Variants in TTC39B observed in about 807,000 individuals in gnomAD.
The protein encoded by TTC39B is tetratricopeptide repeat domain 39B.
In TTC39B, 92 loss-of-function variants were observed where a neutral mutation model predicts 96.6. That is an observed-to-expected ratio of 0.95 (90% confidence interval 0.80 to 1.13). The LOEUF (loss-of-function observed/expected upper bound fraction) is 1.13, where lower values mean the gene tolerates loss of function less well. Among genes scored for constraint, TTC39B ranks in the 50% most tolerant of loss-of-function variants. TTC39B has a pLI of 0.00. For missense variants in TTC39B, 955 were observed against 809.3 expected (o/e 1.18, Z -2.18); for synonymous variants, 367 against 299.4 (o/e 1.23, Z -2.33).
chr9:15,210,297 C>G (rs1372870175), intron 5 of TTC39B, 133 bp from the exon 6 acceptor site: 2 of 610,084 alleles, frequency 3.3e-6, no homozygotes, highest in Non-Finnish European at 5.8e-6. Flanking sequence ...ACCCTGAAGT[C>G]TATAGGACAC....
intron 2 of TTC39B, among the ~76,000 whole-genome samples, chr9:15,258,290 G>C (rs936802024): frequency 6.6e-6 from 1 of 152,062 alleles, no homozygotes; most frequent in African/African-American, 2.4e-5. Context: ...CATCAGACTT[G>C]GTAATGTGGA....
chr9:15,285,501 G>A (rs530794364), intron 1 of TTC39B, among the ~76,000 whole-genome samples: 1 of 152,296 alleles, frequency 6.6e-6, no homozygotes, highest in East Asian at 1.9e-4. Flanking sequence ...AATATCACAT[G>A]TACCGTATAA....
intron 1 of TTC39B, among the ~76,000 whole-genome samples, chr9:15,290,782 TC>T (rs1194695621): frequency 6.6e-6 from 1 of 152,166 alleles, no homozygotes; most frequent in Non-Finnish European, 1.5e-5. Flanking sequence ...TTTCCTGCTT[TC>T]CCCTTCTGCC....
intron 1 of TTC39B, among the ~76,000 whole-genome samples, chr9:15,288,011 T>C (rs1824042253): frequency 6.6e-6 from 1 of 151,100 alleles, no homozygotes; most frequent in Non-Finnish European, 1.5e-5. Flanking sequence ...CTTTCCTTTG[T>C]AAATTTCAAA....
intron 2 of TTC39B, among the ~76,000 whole-genome samples, chr9:15,267,514 G>C (rs1044590320): frequency 6.6e-6 from 1 of 152,090 alleles, no homozygotes; most frequent in African/African-American, 2.4e-5. Flanking sequence ...TATTCCATTT[G>C]ATCTAATATG....
Position 15,267,790 on chromosome 9 carries a change from CT to C in TTC39B, c.275+123del, listed in dbSNP as rs200816790. 4.8e-3 allele frequency: 3,604 copies of C among 749,512 alleles called. 113 individuals carry two copies. The African/African-American group carries it at 0.053, about 11-fold the overall frequency. The allele number at this position is 749,512 out of a possible 1,614,324, so 46.4% of individuals were successfully genotyped here. A position where few individuals can be genotyped will look rare whatever the true frequency, so the allele number is the denominator to read the frequency against. ...ATCCTCTTTAATTATAGAAAAGTGA[CT>C]TTTTTTTTCTGAAAATAGCCATTGC... is the stretch of plus-strand genomic sequence containing the variant. On this transcript the variant is annotated intron_variant, in intron 2 of 19. Transcript: ENST00000512701.
At chr9:15,277,657 A>C (rs1446188440) in intron 1 of TTC39B, among the ~76,000 whole-genome samples, 1 of 152,190 alleles carries the variant, frequency 6.6e-6, no homozygotes, top group Non-Finnish European at 1.5e-5. Flanking sequence ...CCTCCTCATG[A>C]GTAAAGCAGA....
At position 15,174,747 on chromosome 9, in the gene TTC39B, C is replaced by T. The variant is rs181559862; in HGVS notation, c.1958+272G>A. The stretch of plus-strand genomic sequence containing the variant: ...CATTTACACAAAAAGCTGGCCAACC[C>T]CTGATATAGAATAAAATAAGTTAGA... On this transcript the variant is annotated intron_variant, in intron 19 of 19. Transcript: ENST00000512701. 3.3e-3 allele frequency among the ~76,000 whole-genome samples: 497 copies of T among 152,134 alleles called. 3 individuals are homozygous for T. Among genetic ancestry groups the T allele is most frequent in the African/African-American group, 0.011 (475 of 41,504 alleles).
chr9:15,300,565 C>A (rs758767627), intron 1 of TTC39B, among the ~76,000 whole-genome samples: 1 of 152,194 alleles, frequency 6.6e-6, no homozygotes, highest in Non-Finnish European at 1.5e-5. Flanking sequence ...CTAAAATCAG[C>A]AATCTTACAA....
chr9:15,169,275 G>C (rs1223963709), exon 20 of TTC39B: 1 of 152,128 alleles, frequency 6.6e-6, no homozygotes, highest in East Asian at 1.9e-4. Context: ...GAAACTTCTT[G>C]TATCAGGGAG....
exon 20 of TTC39B, chr9:15,165,420 TAAA>T (rs1360504338): frequency 1.3e-5 from 2 of 152,166 alleles, no homozygotes; most frequent in East Asian, 3.8e-4. Flanking sequence ...TTGTCTACAT[TAAA>T]AATAGGAATG....
chr9:15,270,315 GA>G (rs751796023), intron 1 of TTC39B, among the ~76,000 whole-genome samples: 12 of 152,132 alleles, frequency 7.9e-5, no homozygotes, highest in Non-Finnish European at 1.6e-4. Flanking sequence ...TAGTTACAGA[GA>G]AGGGAGGAAA....
At chr9:15,295,378 G>A (rs1824335000) in intron 1 of TTC39B, among the ~76,000 whole-genome samples, 1 of 152,164 alleles carries the variant, frequency 6.6e-6, no homozygotes, top group Non-Finnish European at 1.5e-5. Flanking sequence ...TCTTAGTCAA[G>A]TTTGAGAAGT....
chr9:15,193,080 G>A (rs544005721), intron 8 of TTC39B, among the ~76,000 whole-genome samples: 1 of 152,198 alleles, frequency 6.6e-6, no homozygotes, highest in African/African-American at 2.4e-5. Flanking sequence ...CTGAGGAAAT[G>A]AAATGCTACT....
At position 15,189,645 on chromosome 9, in the gene TTC39B, G is replaced by A; in HGVS notation, c.1174-12C>T. On this transcript the variant is annotated splice_polypyrimidine_tract_variant and intron_variant, in intron 12 of 19. Transcript: ENST00000512701. ...AACACGAGTGAGCCCTGCAGAGCAA[G>A]GAAGAAAACACACTGTTCAACAGTC... 2 of 1,614,102 alleles carry A rather than the reference G, an allele frequency of 1.2e-6. No homozygotes were observed. The highest frequency in any genetic ancestry group is 1.1e-5 in the South Asian group (1 of 91,084).
At chr9:15,174,904 T>A (rs1011352512) in intron 19 of TTC39B, 115 bp downstream of exon 19, 1 of 727,592 alleles carries the variant, frequency 1.4e-6, no homozygotes, top group East Asian at 2.5e-5. Context: ...AAAGTAGCAT[T>A]ATTACTAATT....
chr9:15,190,416 G>A (rs563099627), intron 11 of TTC39B, 138 bp downstream of exon 11: 236 of 659,896 alleles, frequency 3.6e-4, no homozygotes, highest in Non-Finnish European at 5.7e-4. Context: ...CGTGATCATA[G>A]CTCACCGCAG....
chr9:15,249,894 G>C, intron 2 of TTC39B: 5 of 1,245,960 alleles, frequency 4.0e-6, no homozygotes, highest in Non-Finnish European at 5.1e-6. Flanking sequence ...CCCAGGAACT[G>C]CTAAATAAAT....
At chr9:15,177,374 G>A (rs1469976038) in intron 18 of TTC39B, among the ~76,000 whole-genome samples, 1 of 151,996 alleles carries the variant, frequency 6.6e-6, no homozygotes, top group Non-Finnish European at 1.5e-5. Flanking sequence ...AAAGAAATAT[G>A]TAAAAAACAA....
Sources: gnomAD v4.1 joint callset for allele counts (sites outside exome capture counted in the v4.1 genomes callset) on GRCh38, gnomAD v4.1.1 for gene constraint, MANE v1.5 for transcripts, NCBI Gene and HGNC (gene_info 2026-07-23, HGNC 2026-07-21) for gene names.